CNTN4: variants seen among roughly 807,000 people sequenced by gnomAD.
CNTN4 encodes the protein contactin-4.
CNTN4 carries 77 observed loss-of-function variants against 122.5 expected under a neutral mutation model. The observed-to-expected ratio is 0.63, with a 90% CI of 0.52 to 0.76. The LOEUF is 0.76. Among genes scored for constraint, CNTN4 ranks in the 30% least tolerant of loss-of-function variants. CNTN4 has a pLI of 0.00. For synonymous variants in CNTN4, 512 were observed against 447.0 expected, an observed-to-expected ratio of 1.15 and a Z score of -1.83; for missense variants, 1,256 against 1,259.1, an observed-to-expected ratio of 1.00 and a Z score of 0.04.
intron 6 of CNTN4, among the ~76,000 whole-genome samples, chr3:2,752,770 T>C (rs2149617043): frequency 6.6e-6 from 1 of 152,280 alleles, no homozygotes; most frequent in South Asian, 2.1e-4. Context: ...TCTTCCTCCC[T>C]TCCCCACCTC....
intron 13 of CNTN4, among the ~76,000 whole-genome samples, chr3:2,928,637 A>G (rs1340236243): frequency 6.6e-6 from 1 of 152,224 alleles, no homozygotes; most frequent in Non-Finnish European, 1.5e-5. Context: ...TAAAAATATT[A>G]TTAATCCCTT....
intron 2 of CNTN4, among the ~76,000 whole-genome samples, chr3:2,150,101 C>A (rs1489161882): frequency 6.6e-6 from 1 of 151,960 alleles, no homozygotes; most frequent in East Asian, 1.9e-4. Context: ...ATACTTGACA[C>A]ATTGTGAGCA....
intron 3 of CNTN4, among the ~76,000 whole-genome samples, chr3:2,344,566 C>T (rs1013955391): frequency 6.6e-6 from 1 of 152,056 alleles, no homozygotes; most frequent in African/African-American, 2.4e-5. Context: ...GCGTGAGCCA[C>T]GGTGCCTGGC....
chr3:2,358,269 C>T (rs2044959363), intron 3 of CNTN4, among the ~76,000 whole-genome samples: 1 of 152,146 alleles, frequency 6.6e-6, no homozygotes, highest in Non-Finnish European at 1.5e-5. Flanking sequence ...CATTTCGAGC[C>T]TCCGTTTTTG....
chr3:2,315,912 A>C (rs2043082369), intron 2 of CNTN4, among the ~76,000 whole-genome samples: 1 of 152,028 alleles, frequency 6.6e-6, no homozygotes, highest in Non-Finnish European at 1.5e-5. Flanking sequence ...ACCTTTGATG[A>C]ATGTTTGTTG....
At chr3:2,565,199 G>A (rs2079105431) in intron 3 of CNTN4, among the ~76,000 whole-genome samples, 1 of 152,026 alleles carries the variant, frequency 6.6e-6, no homozygotes, top group African/African-American at 2.4e-5. Context: ...GTAGCTTCCC[G>A]AATATATCAT....
At chr3:2,446,926 T>C (rs1223996111) in intron 3 of CNTN4, among the ~76,000 whole-genome samples, 2 of 152,154 alleles carry the variant, frequency 1.3e-5, no homozygotes, top group African/African-American at 4.8e-5. Flanking sequence ...TTTGTGAGGA[T>C]CATATACTAG....
At chr3:2,202,403 G>T (rs2038141912) in intron 2 of CNTN4, among the ~76,000 whole-genome samples, 1 of 152,180 alleles carries the variant, frequency 6.6e-6, no homozygotes, top group African/African-American at 2.4e-5. Flanking sequence ...AACTAGCTGT[G>T]TAGACTTGGG....
intron 14 of CNTN4, among the ~76,000 whole-genome samples, chr3:3,000,880 CTTT>C (rs59337830): frequency 2.3e-4 from 30 of 131,464 alleles, no homozygotes; most frequent in African/African-American, 2.7e-4. Flanking sequence ...TTCTTTCTTT[CTTT>C]TTTTTTTTTT....
At chr3:2,597,246 G>C (rs2080812976) in intron 4 of CNTN4, among the ~76,000 whole-genome samples, 1 of 152,122 alleles carries the variant, frequency 6.6e-6, no homozygotes, top group East Asian at 1.9e-4. Context: ...AGATTGTTAT[G>C]AAAATCACAT....
intron 3 of CNTN4, among the ~76,000 whole-genome samples, chr3:2,506,954 C>T (rs80114286): frequency 6.6e-6 from 1 of 151,964 alleles, no homozygotes; most frequent in East Asian, 1.9e-4. Flanking sequence ...GGCTCATGTT[C>T]GGTTTTGCAT....
intron 3 of CNTN4, among the ~76,000 whole-genome samples, chr3:2,449,567 A>T: frequency 6.7e-6 from 1 of 150,330 alleles, no homozygotes; most frequent in Non-Finnish European, 1.5e-5. Flanking sequence ...GTGATCTGAG[A>T]TCATGCCACT....
At chr3:2,255,239 G>C (rs749068662) in intron 2 of CNTN4, among the ~76,000 whole-genome samples, 5 of 152,140 alleles carry the variant, frequency 3.3e-5, no homozygotes, top group African/African-American at 1.2e-4. Flanking sequence ...TGTTCCATTG[G>C]TCTATATATC....
intron 3 of CNTN4, among the ~76,000 whole-genome samples, chr3:2,452,051 T>C (rs944631073): frequency 6.6e-6 from 1 of 152,164 alleles, no homozygotes; most frequent in African/African-American, 2.4e-5. Context: ...GCAAATCAGG[T>C]ACATGCCTAG....
At chr3:2,348,067 T>A (rs1415263353) in intron 3 of CNTN4, among the ~76,000 whole-genome samples, 2 of 152,196 alleles carry the variant, frequency 1.3e-5, no homozygotes, top group Non-Finnish European at 1.5e-5. Context: ...GAGCCCACCT[T>A]AGTGAACTAC....
In CNTN4 at chr3:2,482,859, A is replaced by G. The variant is rs115377097; in HGVS notation, c.-88-88557A>G. ...ATGGAAATGCCTGGATGTTCAGGCA[A>G]AAGTTTGCTGCAGGGACAAAGCCCT... On this transcript the variant is annotated intron_variant, in intron 3 of 24. Coordinates refer to ENST00000418658, the MANE Select transcript of CNTN4 (RefSeq NM_175607.3). Among the ~76,000 whole-genome samples, 895 of 152,314 alleles carry G rather than the reference A, an allele frequency of 5.9e-3. 7 individuals are homozygous for G. Among genetic ancestry groups the G allele is most frequent in the Non-Finnish European group, 1.0e-2 (680 of 68,020 alleles).
intron 13 of CNTN4, among the ~76,000 whole-genome samples, chr3:2,946,972 C>G (rs1264135111): frequency 6.6e-6 from 1 of 152,096 alleles, no homozygotes; most frequent in African/African-American, 2.4e-5. Context: ...TCCCAAAGTG[C>G]TGGGATTACA....
intron 6 of CNTN4, among the ~76,000 whole-genome samples, chr3:2,817,176 C>G (rs1407318922): frequency 1.3e-5 from 2 of 152,178 alleles, no homozygotes; most frequent in Non-Finnish European, 2.9e-5. Context: ...TCCTTAGTTG[C>G]AATGTTTGGG....
At position 2,925,779 on chromosome 3, in the gene CNTN4, G is replaced by C; in HGVS notation, c.1358G>C (p.Arg453Thr). The C allele has an allele frequency of 1.2e-6, 2 of 1,611,134 alleles. No individual in the cohort carries two copies. The highest frequency in any genetic ancestry group is 1.7e-6 in the Non-Finnish European group (2 of 1,177,606). ...AGGGATATATTAAAAGAAAATGAAA[G>C]GTACTGTCTTGAATTATTTTCAATA... ...KGRDILKENE[R>T]ITISEDGNLR... Residue 453 changes from arginine (R) to threonine (T), a missense_variant and splice_region_variant, in exon 13 of 25, where the codon AGA (arginine) becomes ACA (threonine). Transcript: ENST00000418658.
Sources: allele counts gnomAD v4.1 joint callset (sites outside exome capture counted in the v4.1 genomes callset), GRCh38; gene constraint gnomAD v4.1.1; transcripts MANE v1.5; gene names NCBI Gene and HGNC (gene_info 2026-07-23, HGNC 2026-07-21).